GPC5: variants seen among roughly 807,000 people sequenced by gnomAD.
GPC5 encodes the protein glypican-5.
A neutral mutation model predicts 53.9 loss-of-function variants in GPC5; 47 were observed. That is an observed-to-expected ratio of 0.87 (90% CI 0.69 to 1.11). GPC5 has a LOEUF of 1.11. Among genes scored for constraint, GPC5 ranks in the 50% most tolerant of loss-of-function variants. The pLI is 0.00. For synonymous variants in GPC5, 286 were observed against 263.3 expected (o/e 1.09, Z -0.84); for missense variants, 748 against 713.1 (o/e 1.05, Z -0.56).
At chr13:92,692,222 C>T (rs1281947276) in intron 7 of GPC5, among the ~76,000 whole-genome samples, 1 of 151,976 alleles carries the variant, frequency 6.6e-6, no homozygotes, top group Non-Finnish European at 1.5e-5. Flanking sequence ...TTTTTTATGG[C>T]TGCATAGTAT....
chr13:91,693,920 A>G, intron 3 of GPC5, 39 bp downstream of exon 3: 1 of 1,441,688 alleles, frequency 6.9e-7, no homozygotes, highest in South Asian at 1.2e-5. Context: ...GACTTCTTGT[A>G]ATTCAAATAT....
At chr13:92,312,896 T>C (rs1313343913) in intron 7 of GPC5, among the ~76,000 whole-genome samples, 1 of 152,198 alleles carries the variant, frequency 6.6e-6, no homozygotes, top group African/African-American at 2.4e-5. Context: ...TAACTAGTTA[T>C]TGTAATACAA....
intron 5 of GPC5, among the ~76,000 whole-genome samples, chr13:91,816,569 C>G (rs1219908969): frequency 2.6e-5 from 4 of 152,172 alleles, no homozygotes; most frequent in African/African-American, 9.7e-5. Context: ...CAGCAGCCAG[C>G]TGTTTCCTGG....
Position 92,439,409 on chromosome 13 carries a change from A to G in GPC5, c.1561+294420A>G, listed in dbSNP as rs113649323. ...GTGGTCCAGTGTAAATGCAATTTAAACTAAAATAGGCTTAGGAATAAATCT... is the reference window on the plus strand; with the variant it reads ...GTGGTCCAGTGTAAATGCAATTTAAGCTAAAATAGGCTTAGGAATAAATCT... On this transcript the variant is annotated intron_variant, in intron 7 of 7. Transcript: ENST00000377067. Among the ~76,000 whole-genome samples the G allele has an allele frequency of 6.6e-4, 101 of 152,280 alleles. 1 individual carries two copies. Among genetic ancestry groups the G allele is most frequent in the African/African-American group, 2.2e-3 (91 of 41,576 alleles).
At chr13:92,840,606 G>A (rs540722343) in intron 7 of GPC5, among the ~76,000 whole-genome samples, 1 of 152,094 alleles carries the variant, frequency 6.6e-6, no homozygotes, top group African/African-American at 2.4e-5. Context: ...ATCCCTATGA[G>A]TTTTAGAATG....
intron 7 of GPC5, among the ~76,000 whole-genome samples, chr13:92,582,719 T>C (rs1036989110): frequency 1.3e-5 from 2 of 152,280 alleles, no homozygotes; most frequent in East Asian, 1.9e-4. Flanking sequence ...TTCATATCCC[T>C]GGTTAAATTT....
intron 7 of GPC5, among the ~76,000 whole-genome samples, chr13:92,154,915 T>C (rs945803122): frequency 1.3e-5 from 2 of 152,202 alleles, no homozygotes; most frequent in African/African-American, 4.8e-5. Flanking sequence ...ATCTGAATAA[T>C]ACTAAAACTG....
intron 5 of GPC5, among the ~76,000 whole-genome samples, chr13:91,821,783 A>G (rs2038499856): frequency 6.6e-6 from 1 of 152,140 alleles, no homozygotes; most frequent in Admixed American, 6.6e-5. Flanking sequence ...TAGACATTAC[A>G]TGTGATCCTT....
chr13:92,166,599 G>C (rs1319546383), intron 7 of GPC5, among the ~76,000 whole-genome samples: 1 of 151,988 alleles, frequency 6.6e-6, no homozygotes, highest in Non-Finnish European at 1.5e-5. Context: ...TACACCAAGA[G>C]AACTGTGAGG....
intron 2 of GPC5, among the ~76,000 whole-genome samples, chr13:91,616,881 C>G (rs1426257965): frequency 6.6e-6 from 1 of 152,070 alleles, no homozygotes; most frequent in Non-Finnish European, 1.5e-5. Context: ...GATGAATAAT[C>G]TCCTTTCACT....
At chr13:91,993,163 T>C (rs2040472524) in intron 6 of GPC5, among the ~76,000 whole-genome samples, 1 of 152,188 alleles carries the variant, frequency 6.6e-6, no homozygotes, top group Non-Finnish European at 1.5e-5. Context: ...ATATTTGAAG[T>C]GAACAGTTTT....
At chr13:91,606,892 CT>C (rs1276724030) in intron 2 of GPC5, among the ~76,000 whole-genome samples, 4 of 150,954 alleles carry the variant, frequency 2.6e-5, no homozygotes, top group African/African-American at 4.9e-5. Context: ...TTTGTTGATC[CT>C]TTCAAAAAAC....
At chr13:92,142,568 A>G (rs1000836394) in intron 6 of GPC5, among the ~76,000 whole-genome samples, 1 of 152,348 alleles carries the variant, frequency 6.6e-6, no homozygotes, top group African/African-American at 2.4e-5. Context: ...AATAATTACA[A>G]ATAAATGAAT....
intron 7 of GPC5, among the ~76,000 whole-genome samples, chr13:92,767,011 G>A (rs186852252): frequency 1.6e-3 from 236 of 152,244 alleles, no homozygotes; most frequent in South Asian, 4.8e-3. Flanking sequence ...ACCCACTCTG[G>A]GCTGGAGCAT....
intron 2 of GPC5, among the ~76,000 whole-genome samples, chr13:91,489,235 A>G (rs1883793384): frequency 2.0e-5 from 3 of 151,658 alleles, no homozygotes; most frequent in Non-Finnish European, 2.9e-5. Flanking sequence ...CTATTCGTAC[A>G]CTCCCTCCCC....
chr13:92,782,611 G>A (rs1179633181), intron 7 of GPC5, among the ~76,000 whole-genome samples: 1 of 152,138 alleles, frequency 6.6e-6, no homozygotes, highest in African/African-American at 2.4e-5. Context: ...GTTTATCACA[G>A]TAAAATACTA....
intron 7 of GPC5, among the ~76,000 whole-genome samples, chr13:92,598,849 T>G (rs1883956776): frequency 6.6e-6 from 1 of 152,150 alleles, no homozygotes; most frequent in Admixed American, 6.5e-5. Flanking sequence ...AAAACTCGTC[T>G]CTACTAAGAA....
intron 7 of GPC5, among the ~76,000 whole-genome samples, chr13:92,565,883 A>C (rs1272381316): frequency 1.3e-5 from 2 of 152,004 alleles, no homozygotes; most frequent in African/African-American, 2.4e-5. Flanking sequence ...CCACATTTTT[A>C]CCCTTCTATT....
At chr13:92,661,529 A>C (rs557489712) in intron 7 of GPC5, among the ~76,000 whole-genome samples, 83 of 152,322 alleles carry the variant, frequency 5.4e-4, no homozygotes, top group African/African-American at 1.8e-3. Context: ...ATATTTTATA[A>C]AAGAATTTTA....
Sources: allele counts gnomAD v4.1 joint callset (sites outside exome capture counted in the v4.1 genomes callset), GRCh38; gene constraint gnomAD v4.1.1; transcripts MANE v1.5; gene names NCBI Gene and HGNC (gene_info 2026-07-23, HGNC 2026-07-21).